B9D1: variants seen among roughly 807,000 people sequenced by gnomAD.
B9D1 encodes the protein B9 domain-containing protein 1.
A neutral mutation model predicts 26.1 loss-of-function variants in B9D1; 20 were observed. The ratio of observed to expected loss-of-function variants is 0.77; its 90% CI spans 0.54 to 1.12. The LOEUF is 1.12. Ranked by LOEUF, B9D1 falls within the 50% of genes most tolerant of loss-of-function variation. The pLI is 0.00. For missense variants in B9D1, 260 were observed against 273.7 expected, an observed-to-expected ratio of 0.95 and a Z score of 0.35; for synonymous variants, 105 against 103.1, an observed-to-expected ratio of 1.02 and a Z score of -0.11.
intron 1 of B9D1, among the ~76,000 whole-genome samples, chr17:19,374,782 T>G (rs1445119601): frequency 2.6e-4 from 40 of 152,092 alleles, no homozygotes; most frequent in Admixed American, 2.6e-3. Context: ...TTCATCAAAA[T>G]TAAAAACTTT....
In B9D1 at chr17:19,370,976, C is replaced by A. The variant is rs535490364; in HGVS notation, c.-298+6883G>T. ...AGCCCAGCCTGCCCATCAAGCCCCA[C>A]TGCTTTCCACTGCTTTGGTGCCTTC... On this transcript the variant is annotated intron_variant, in intron 1 of 5. Transcript: ENST00000477478. The surrounding 1 kb of genome is among the most constrained non-coding windows in gnomAD (Gnocchi z 5.1). 8.5e-5 allele frequency among the ~76,000 whole-genome samples: 13 copies of A among 152,364 alleles called. No homozygotes were observed. The highest frequency in any genetic ancestry group is 3.1e-4 in the African/African-American group (13 of 41,580).
upstream of B9D1, among the ~76,000 whole-genome samples, chr17:19,366,373 T>TA (rs1183685109): frequency 3.3e-5 from 5 of 152,042 alleles, no homozygotes; most frequent in Admixed American, 2.0e-4. Flanking sequence ...GGGGACTTCT[T>TA]AGAGTCCTGC....
chr17:19,369,130 G>T (rs1006992890), intron 1 of B9D1, among the ~76,000 whole-genome samples: 1 of 152,304 alleles, frequency 6.6e-6, no homozygotes, highest in South Asian at 2.1e-4. Flanking sequence ...AGCTAGCGAG[G>T]GATAGGGAAG....
At chr17:19,343,553 G>T in intron 6 of B9D1, 92 bp from the exon 7 acceptor site, 2 of 1,593,348 alleles carry the variant, frequency 1.3e-6, no homozygotes, top group Non-Finnish European at 1.7e-6. Flanking sequence ...GTTCTCATCT[G>T]TAAAATGGGG....
chr17:19,335,840 G>A (rs1026456084), downstream of B9D1: 3 of 169,886 alleles, frequency 1.8e-5, no homozygotes, highest in Non-Finnish European at 3.7e-5. Flanking sequence ...GTATTACGTC[G>A]TGCATTAAAG....
upstream of B9D1, chr17:19,363,799 C>T (rs1598096413): frequency 6.6e-6 from 1 of 152,338 alleles, no homozygotes; most frequent in East Asian, 1.9e-4. Context: ...AAGGAGCAGT[C>T]TCAGCCCAGC....
rs111902851 is a variant in B9D1 at position 19,360,420 on chromosome 17, G to A, written c.64-32C>T. On this transcript the variant is annotated intron_variant, in intron 1 of 6. Coordinates refer to ENST00000261499, the MANE Select transcript of B9D1 (RefSeq NM_015681.6). ...AAAGCACAGACAGATTCTGTCGACT[G>A]GTATTCATGCTGAGGCCAATGCATT... 1.9e-5 allele frequency: 31 copies of A among 1,599,844 alleles called. 1 individual carries two copies. The highest frequency in any genetic ancestry group is 1.6e-4 in the African/African-American group (12 of 74,766).
chr17:19,362,760 G>A (rs1911314660), upstream of B9D1: 2 of 1,492,038 alleles, frequency 1.3e-6, no homozygotes, highest in South Asian at 1.2e-5. Context: ...TAAGGGGGCG[G>A]GGCACAAGGG....
At chr17:19,360,216 C>T in intron 2 of B9D1, 104 bp downstream of exon 2, 1 of 1,112,410 alleles carries the variant, frequency 9.0e-7, no homozygotes, top group Non-Finnish European at 1.4e-6. Context: ...TGAACTCAGT[C>T]TCTACCTCTT....
chr17:19,353,142 AT>A (rs1309745778), intron 3 of B9D1, among the ~76,000 whole-genome samples: 24 of 129,550 alleles, frequency 1.9e-4, no homozygotes, highest in Non-Finnish European at 3.3e-4. Context: ...CACCTGGCTA[AT>A]TTTTTGTATT....
At chr17:19,366,375 G>C (rs1040577467), upstream of B9D1, among the ~76,000 whole-genome samples, 2 of 151,960 alleles carry the variant, frequency 1.3e-5, no homozygotes, top group Non-Finnish European at 2.9e-5. Flanking sequence ...GGACTTCTTA[G>C]AGTCCTGCTC....
At chr17:19,374,796 G>T (rs2152285747) in intron 1 of B9D1, among the ~76,000 whole-genome samples, 1 of 152,216 alleles carries the variant, frequency 6.6e-6, no homozygotes, top group Non-Finnish European at 1.5e-5. Flanking sequence ...AAACTTTTGT[G>T]GAACAGAGGA....
intron 6 of B9D1, 106 bp from the exon 7 acceptor site, chr17:19,343,567 A>G (rs1908257862): frequency 6.3e-7 from 1 of 1,583,044 alleles, no homozygotes. Flanking sequence ...AATGGGGACA[A>G]CAGTGCCTGA....
intron 1 of B9D1, among the ~76,000 whole-genome samples, chr17:19,362,163 T>C (rs759963708): frequency 1.3e-5 from 2 of 152,168 alleles, no homozygotes; most frequent in Non-Finnish European, 2.9e-5. Context: ...GCGCAAATGC[T>C]GGAAACTCGG....
At chr17:19,367,057 G>T (rs1293507286), upstream of B9D1, among the ~76,000 whole-genome samples, 1 of 152,126 alleles carries the variant, frequency 6.6e-6, no homozygotes, top group East Asian at 1.9e-4. Flanking sequence ...CTAGAGCCAG[G>T]GCATGTATAG....
In B9D1 at chr17:19,357,823, G is replaced by A. The variant is rs773499038; in HGVS notation, c.244+17C>T. On this transcript the variant is annotated intron_variant, in intron 3 of 6. Coordinates refer to ENST00000261499, the MANE Select transcript of B9D1 (RefSeq NM_015681.6). ...AAAGCTCTGCCACCCTACCCCACAG[G>A]GCCCCTGCAGACTCACAGCCGTAGG... 9 of 1,591,338 alleles carry A rather than the reference G, an allele frequency of 5.7e-6. No individual in the cohort carries two copies. Among genetic ancestry groups the A allele is most frequent in the Non-Finnish European group, 3.4e-6 (4 of 1,159,872 alleles).
downstream of B9D1, chr17:19,337,535 G>A: frequency 3.5e-6 from 2 of 576,668 alleles, no homozygotes; most frequent in Admixed American, 2.7e-5. Flanking sequence ...CTCAGAGCTA[G>A]GAGGCTAGGG....
downstream of B9D1, among the ~76,000 whole-genome samples, chr17:19,342,189 T>C (rs1221724895): frequency 6.6e-6 from 1 of 152,122 alleles, no homozygotes; most frequent in Non-Finnish European, 1.5e-5. Flanking sequence ...CTGAGTGGGC[T>C]TCAGTAAGGC....
intron 3 of B9D1, 50 bp downstream of exon 3, chr17:19,357,790 G>T: frequency 7.6e-7 from 1 of 1,324,012 alleles, no homozygotes; most frequent in Non-Finnish European, 1.1e-6. Flanking sequence ...TCTTGGGGGT[G>T]CTGTGTGAAA....
Sources: allele counts gnomAD v4.1 joint callset (sites outside exome capture counted in the v4.1 genomes callset), GRCh38; gene constraint gnomAD v4.1.1; non-coding constraint Gnocchi (gnomAD v3.1); transcripts MANE v1.5; gene names NCBI Gene and HGNC (gene_info 2026-07-23, HGNC 2026-07-21).